Variants in DLGAP2 observed in about 807,000 individuals in gnomAD.
The protein encoded by DLGAP2 is DLG associated protein 2.
Under a neutral mutation model 100.3 loss-of-function variants are expected in DLGAP2, and 26 were observed. The observed-to-expected ratio is 0.26, with a 90% confidence interval of 0.19 to 0.36. DLGAP2 has a LOEUF of 0.36. Ranked by LOEUF, DLGAP2 falls within the 10% of genes least tolerant of loss-of-function variation. DLGAP2 has a pLI of 1.00. For synonymous variants in DLGAP2, 886 were observed against 630.1 expected, an observed-to-expected ratio of 1.41 and a Z score of -6.08; for missense variants, 1,858 against 1,453.2, an observed-to-expected ratio of 1.28 and a Z score of -4.53.
At chr8:843,940 A>G (rs1428598967) in intron 1 of DLGAP2, among the ~76,000 whole-genome samples, 1 of 152,262 alleles carries the variant, frequency 6.6e-6, no homozygotes, top group Non-Finnish European at 1.5e-5. Context: ...TTAATGGATT[A>G]CTTAGGGGAT....
chr8:1,173,513 C>T (rs562979665), intron 2 of DLGAP2, among the ~76,000 whole-genome samples: 147 of 152,318 alleles, frequency 9.7e-4, no homozygotes, highest in Non-Finnish European at 1.6e-3. Context: ...AGGCAGGCCT[C>T]CTTGAGCTGT....
At chr8:1,338,529 G>C (rs1009382221) in intron 3 of DLGAP2, among the ~76,000 whole-genome samples, 4 of 152,208 alleles carry the variant, frequency 2.6e-5, no homozygotes, top group African/African-American at 9.6e-5. Flanking sequence ...GTTTTGGGGT[G>C]ATGCAAATCC....
intron 4 of DLGAP2, among the ~76,000 whole-genome samples, chr8:1,529,172 G>A (rs1370071468): frequency 6.6e-6 from 1 of 152,172 alleles, no homozygotes; most frequent in South Asian, 2.1e-4. Flanking sequence ...GAAGGTGAAG[G>A]GGAAGCAAGG....
At chr8:813,787 G>T (rs1463977627) in intron 1 of DLGAP2, among the ~76,000 whole-genome samples, 1 of 152,104 alleles carries the variant, frequency 6.6e-6, no homozygotes, top group Non-Finnish European at 1.5e-5. Context: ...ACTGACTGAG[G>T]CTGCACATTT....
intron 6 of DLGAP2, among the ~76,000 whole-genome samples, chr8:1,603,359 A>T (rs1452095223): frequency 6.8e-6 from 1 of 147,614 alleles, no homozygotes; most frequent in African/African-American, 2.5e-5. Context: ...AGTTCCATAG[A>T]GGCTGGTTAG....
At chr8:1,353,102 G>A (rs774335459) in intron 3 of DLGAP2, among the ~76,000 whole-genome samples, 2 of 152,216 alleles carry the variant, frequency 1.3e-5, no homozygotes, top group East Asian at 3.8e-4. Context: ...CCCGAGGTCA[G>A]TGATCTGGAG....
intron 1 of DLGAP2, among the ~76,000 whole-genome samples, chr8:752,744 G>A (rs950564141): frequency 6.6e-6 from 1 of 152,156 alleles, no homozygotes; most frequent in Non-Finnish European, 1.5e-5. Context: ...GCCCTTGAGG[G>A]ATGCTTGTGA....
chr8:1,346,674 C>T (rs1801565836), intron 3 of DLGAP2, among the ~76,000 whole-genome samples: 1 of 150,824 alleles, frequency 6.6e-6, no homozygotes, highest in Non-Finnish European at 1.5e-5. Flanking sequence ...GGTTGAGTTC[C>T]CATACAGAGC....
At chr8:1,534,498 G>A (rs1801086869) in intron 4 of DLGAP2, among the ~76,000 whole-genome samples, 1 of 152,218 alleles carries the variant, frequency 6.6e-6, no homozygotes, top group Non-Finnish European at 1.5e-5. Context: ...AATCGAAAAT[G>A]TAATGAAATT....
chr8:954,709 T>C (rs1799557182), intron 2 of DLGAP2, among the ~76,000 whole-genome samples: 1 of 152,156 alleles, frequency 6.6e-6, no homozygotes. Flanking sequence ...ACAACCATAA[T>C]AAAAATCAAG....
At chr8:774,744 T>G (rs567041825) in intron 1 of DLGAP2, among the ~76,000 whole-genome samples, 60 of 150,992 alleles carry the variant, frequency 4.0e-4, no homozygotes, top group African/African-American at 1.4e-3. Flanking sequence ...CTGTTTTGGT[T>G]ACTGTAGCCT....
intron 3 of DLGAP2, chr8:1,296,246 A>C (rs551600286): frequency 1.4e-4 from 21 of 151,892 alleles, no homozygotes; most frequent in Admixed American, 3.3e-4. Flanking sequence ...TAAATTCAGC[A>C]CTCTTGTTGA....
chr8:1,000,150 C>T (rs369623450), intron 2 of DLGAP2, among the ~76,000 whole-genome samples: 1 of 71,956 alleles, frequency 1.4e-5, no homozygotes, highest in Admixed American at 1.4e-4. Flanking sequence ...TTCTTTTGCA[C>T]TGGATTTTCT....
At chr8:866,299 C>A (rs922647146) in intron 1 of DLGAP2, among the ~76,000 whole-genome samples, 5 of 152,226 alleles carry the variant, frequency 3.3e-5, no homozygotes, top group African/African-American at 9.6e-5. Context: ...CTGATTCCCC[C>A]TTCCAGTGTC....
intron 3 of DLGAP2, among the ~76,000 whole-genome samples, chr8:1,303,751 G>C (rs141373993): frequency 1.3e-4 from 20 of 152,172 alleles, no homozygotes; most frequent in Middle Eastern, 3.4e-3. Flanking sequence ...GGTCTCTGGG[G>C]TTTTGCTTCT....
Position 1,197,173 on chromosome 8 carries a change from G to A in DLGAP2, c.74-61678G>A, listed in dbSNP as rs372829804. ...AGTGCAGGTCTCTTCTGGAAACGCC[G>A]TCACAGACACACACGGAAGTCATGT... On this transcript the variant is annotated intron_variant, in intron 2 of 14. Coordinates refer to ENST00000637795, the MANE Select transcript of DLGAP2 (RefSeq NM_001346810.2). Among the ~76,000 whole-genome samples the A allele has an allele frequency of 5.5e-3, 294 of 53,246 alleles. 2 individuals are homozygous for A. Among genetic ancestry groups the A allele is most frequent in the South Asian group, 0.042 (71 of 1,706 alleles). 34.9% of individuals were successfully genotyped at this position (53,246 alleles called of 152,430 possible). A position where few individuals can be genotyped will look rare whatever the true frequency, so the allele number is the denominator to read the frequency against.
chr8:1,061,014 A>G (rs564168319), intron 2 of DLGAP2, among the ~76,000 whole-genome samples: 29 of 152,326 alleles, frequency 1.9e-4, no homozygotes, highest in African/African-American at 6.7e-4. Flanking sequence ...ATACTTCTCT[A>G]TGTTGGGCAA....
chr8:1,296,866 G>T (rs931432759), intron 3 of DLGAP2, among the ~76,000 whole-genome samples: 1 of 152,194 alleles, frequency 6.6e-6, no homozygotes, highest in Non-Finnish European at 1.5e-5. Context: ...GATGTTTCAT[G>T]CGGGGCTCAG....
At chr8:1,533,827 T>A (rs1801066526) in intron 4 of DLGAP2, among the ~76,000 whole-genome samples, 1 of 152,154 alleles carries the variant, frequency 6.6e-6, no homozygotes, top group Admixed American at 6.5e-5. Flanking sequence ...CACAGCGGCC[T>A]GAGCCTGTTG....
Sources: gnomAD v4.1 joint callset for allele counts (sites outside exome capture counted in the v4.1 genomes callset) on GRCh38, gnomAD v4.1.1 for gene constraint, MANE v1.5 for transcripts, NCBI Gene and HGNC (gene_info 2026-07-23, HGNC 2026-07-21) for gene names.